PPP6R2: variants seen among roughly 807,000 people sequenced by gnomAD.
PPP6R2 encodes protein phosphatase 6 regulatory subunit 2, also known as serine/threonine-protein phosphatase 6 regulatory subunit 2.
PPP6R2 carries 62 observed loss-of-function variants against 100.2 expected under a neutral mutation model. The observed-to-expected ratio is 0.62, with a 90% CI of 0.50 to 0.76. The LOEUF (loss-of-function observed/expected upper bound fraction) is 0.76. Ranked by LOEUF, PPP6R2 falls within the 30% of genes least tolerant of loss-of-function variation. The pLI is 0.00. For missense variants in PPP6R2, 1,142 were observed against 1,276.3 expected, an observed-to-expected ratio of 0.89 and a Z score of 1.60; for synonymous variants, 525 against 514.7, an observed-to-expected ratio of 1.02 and a Z score of -0.27.
intron 3 of PPP6R2, among the ~76,000 whole-genome samples, chr22:50,399,611 C>G (rs1410416796): frequency 6.6e-6 from 1 of 152,262 alleles, no homozygotes; most frequent in Non-Finnish European, 1.5e-5. Flanking sequence ...TGTCTGTGCT[C>G]AAGAGAAGCT....
chr22:50,341,088 G>T (rs2042364880), upstream of PPP6R2, among the ~76,000 whole-genome samples: 1 of 151,940 alleles, frequency 6.6e-6, no homozygotes, highest in South Asian at 2.1e-4. Flanking sequence ...TTTTTTATAT[G>T]TTTAGTAGAG....
intron 3 of PPP6R2, among the ~76,000 whole-genome samples, chr22:50,402,336 T>C (rs1382593887): frequency 6.6e-6 from 1 of 151,538 alleles, no homozygotes; most frequent in African/African-American, 2.4e-5. Context: ...TTCTTTTTTT[T>C]TTTTTTTTTT....
chr22:50,383,000 G>A (rs1342386564), intron 2 of PPP6R2, among the ~76,000 whole-genome samples: 1 of 152,086 alleles, frequency 6.6e-6, no homozygotes, highest in African/African-American at 2.4e-5. Context: ...ATCACGCCTG[G>A]CTAATTTTTG....
At chr22:50,340,551 G>T (rs1010854955), upstream of PPP6R2, among the ~76,000 whole-genome samples, 4 of 147,170 alleles carry the variant, frequency 2.7e-5, no homozygotes, top group Admixed American at 6.8e-5. Context: ...TGTGTCGCGT[G>T]TGTGTGGTAT....
chr22:50,370,715 C>G (rs189561703), intron 1 of PPP6R2, among the ~76,000 whole-genome samples: 6 of 151,974 alleles, frequency 3.9e-5, no homozygotes, highest in East Asian at 1.9e-4. Context: ...CTCACTGCAA[C>G]CTCTGCCTCC....
intron 2 of PPP6R2, among the ~76,000 whole-genome samples, chr22:50,388,670 A>C (rs962123977): frequency 5.9e-5 from 9 of 152,088 alleles, no homozygotes; most frequent in African/African-American, 2.2e-4. Context: ...TCAGGAGTTC[A>C]AGACCAGCCT....
Position 50,440,986 on chromosome 22 carries a change from C to T in PPP6R2, c.2539C>T (p.Pro847Ser), listed in dbSNP as rs1442425355. 5.0e-6 allele frequency: 8 copies of T among 1,610,168 alleles called. No individual in the cohort carries two copies. The highest frequency in any genetic ancestry group is 6.8e-6 in the Non-Finnish European group (8 of 1,178,172). Residue 847 changes from proline (P) to serine (S), a missense_variant, in exon 22 of 24, where the codon CCG becomes TCG. Coordinates refer to ENST00000612753, the MANE Select transcript of PPP6R2 (RefSeq NM_001242898.2). ...VSRGPGREAP[P>S]LPTVARTEEA... ...CAGGGGTCCCGGCCGGGAGGCCCCC[C>T]CGCTGCCCACAGTGGCCAGGACAGA...
chr22:50,395,910 G>A (rs1038083304), intron 3 of PPP6R2, among the ~76,000 whole-genome samples: 4 of 150,390 alleles, frequency 2.7e-5, no homozygotes, highest in South Asian at 4.5e-4. Context: ...AAAAAAAATC[G>A]AAGCTCGGGC....
At chr22:50,386,582 G>A (rs1192547386) in intron 2 of PPP6R2, among the ~76,000 whole-genome samples, 1 of 152,180 alleles carries the variant, frequency 6.6e-6, no homozygotes, top group Non-Finnish European at 1.5e-5. Context: ...CTTGAGCAAG[G>A]TGCAAGCACA....
chr22:50,349,195 C>CAA (rs892504600), intron 1 of PPP6R2, among the ~76,000 whole-genome samples: 6,384 of 61,352 alleles, frequency 0.1, 304 homozygotes, highest in East Asian at 0.2. Flanking sequence ...GACTTCCTCT[C>CAA]AAAAAAAAAA....
intron 1 of PPP6R2, among the ~76,000 whole-genome samples, chr22:50,367,543 C>T (rs910141635): frequency 1.3e-5 from 2 of 151,998 alleles, no homozygotes; most frequent in Non-Finnish European, 2.9e-5. Flanking sequence ...GCCCGTCTCT[C>T]CTATGCTGTC....
intron 2 of PPP6R2, among the ~76,000 whole-genome samples, chr22:50,386,132 T>TTTTTG (rs1300100118): frequency 9.4e-5 from 14 of 148,288 alleles, no homozygotes; most frequent in African/African-American, 3.0e-4. Flanking sequence ...GACAAGGTTT[T>TTTTTG]TTTTGTTTTG....
Position 50,438,210 on chromosome 22 carries a change from C to T in PPP6R2, c.1876C>T (p.Arg626Cys), listed in dbSNP as rs1312518011. The T allele has an allele frequency of 7.4e-6, 12 of 1,613,886 alleles. No individual in the cohort carries two copies. Among genetic ancestry groups the T allele is most frequent in the Admixed American group, 1.7e-5 (1 of 60,012 alleles). ...TCTGTTTGAGGCCTGCTGCAGTGAC[C>T]GCATCCAGCCCTTTGATGATGATGA... ...AALFEACCSD[R>C]IQPFDDDEDE... Residue 626 changes from arginine (R) to cysteine (C), a missense_variant, in exon 18 of 24, where the codon CGC (arginine) becomes TGC (cysteine). Around this residue, in one of 2 missense-constraint regions of PPP6R2, gnomAD observed 550 missense variants for 517.4 expected, o/e 1.06. Transcript: ENST00000612753.
chr22:50,403,181 T>G (rs1019644020), intron 3 of PPP6R2, among the ~76,000 whole-genome samples: 1 of 151,996 alleles, frequency 6.6e-6, no homozygotes, highest in Admixed American at 6.6e-5. Flanking sequence ...CACTCCAGCC[T>G]GGGCAACAGA....
At position 50,418,154 on chromosome 22, in the gene PPP6R2, G is replaced by T. The variant is rs529885106; in HGVS notation, c.619-713G>T. On this transcript the variant is annotated intron_variant, in intron 6 of 23. Transcript: ENST00000612753. ...TATCAGTAACATGGCCACATATTCA[G>T]CATATTTCAAAACGTGGATCACAGG... Among the ~76,000 whole-genome samples the T allele has an allele frequency of 1.4e-4, 22 of 152,216 alleles. No homozygotes were observed. The East Asian group carries it at 3.9e-3, about 27-fold the overall frequency.
At chr22:50,428,739 A>T (rs964171502) in intron 10 of PPP6R2, among the ~76,000 whole-genome samples, 1 of 96,954 alleles carries the variant, frequency 1.0e-5, no homozygotes, top group African/African-American at 3.1e-5. Context: ...TACATATTCT[A>T]AAAAAAAAAA....
chr22:50,367,098 A>G (rs2048919034), intron 1 of PPP6R2, among the ~76,000 whole-genome samples: 1 of 152,134 alleles, frequency 6.6e-6, no homozygotes, highest in Admixed American at 6.6e-5. Context: ...GTTAGTGTAG[A>G]AATACTCACG....
the PPP6R2 span, among the ~76,000 whole-genome samples, chr22:50,334,276 C>T: frequency 2.6e-5 from 4 of 152,208 alleles, no homozygotes; most frequent in East Asian, 3.9e-4. Context: ...CAGGCTCTGG[C>T]GTTACCGCTA....
At chr22:50,341,992 CAAAA>C (rs563190922), upstream of PPP6R2, among the ~76,000 whole-genome samples, 3 of 137,758 alleles carry the variant, frequency 2.2e-5, no homozygotes, top group Admixed American at 1.5e-4. Context: ...GACTCCGTCT[CAAAA>C]AAAAAAAAGA....
Sources: gnomAD v4.1 joint callset for allele counts (sites outside exome capture counted in the v4.1 genomes callset) on GRCh38, gnomAD v4.1.1 for gene constraint, gnomAD v4.1.1 regional missense constraint, MANE v1.5 for transcripts, NCBI Gene and HGNC (gene_info 2026-07-23, HGNC 2026-07-21) for gene names.